The following GALNT13 variants were observed in gnomAD, a reference collection of about 807,000 sequenced individuals.
The protein encoded by GALNT13 is UDP-GalNAc:polypeptide N-acetylgalactosaminyltransferase 13.
GALNT13 carries 28 observed loss-of-function variants against 64.2 expected under a neutral mutation model. The ratio of observed to expected loss-of-function variants is 0.44; its 90% CI spans 0.32 to 0.60. The LOEUF (loss-of-function observed/expected upper bound fraction) is 0.60, where lower values mean the gene tolerates loss of function less well. Ranked by LOEUF, GALNT13 falls within the 20% of genes least tolerant of loss-of-function variation. GALNT13 has a pLI of 0.05. For synonymous variants in GALNT13, 214 were observed against 224.6 expected (o/e 0.95, Z 0.42); for missense variants, 577 against 669.8 (o/e 0.86, Z 1.53).
chr2:153,458,744 G>A, the GALNT13 span, among the ~76,000 whole-genome samples: 1 of 152,112 alleles, frequency 6.6e-6, no homozygotes, highest in Non-Finnish European at 1.5e-5. Context: ...GAATGAATGA[G>A]TGAATTATTT....
At chr2:153,968,141 C>G (rs1693499582) in intron 3 of GALNT13, among the ~76,000 whole-genome samples, 1 of 152,112 alleles carries the variant, frequency 6.6e-6, no homozygotes, top group Admixed American at 6.5e-5. Context: ...CAGCCTAGCA[C>G]CAGAGCTGGA....
the GALNT13 span, among the ~76,000 whole-genome samples, chr2:153,284,172 A>G: frequency 6.6e-6 from 1 of 152,124 alleles, no homozygotes; most frequent in African/African-American, 2.4e-5. Flanking sequence ...CTGCACCACA[A>G]TCTCAGGGGA....
chr2:153,761,180 A>G, the GALNT13 span, among the ~76,000 whole-genome samples: 53,066 of 151,964 alleles, frequency 0.35, 9,755 homozygotes, highest in African/African-American at 0.39. Context: ...TCAAGTCAGT[A>G]ACTCTATGTC....
At chr2:154,198,473 A>G (rs775756964) in intron 4 of GALNT13, among the ~76,000 whole-genome samples, 35 of 151,994 alleles carry the variant, frequency 2.3e-4, no homozygotes, top group Non-Finnish European at 4.4e-4. Flanking sequence ...AGGTACATTC[A>G]TAATGATTGT....
chr2:153,116,545 C>A, the GALNT13 span, among the ~76,000 whole-genome samples: 7 of 152,132 alleles, frequency 4.6e-5, no homozygotes, highest in Admixed American at 4.6e-4. Flanking sequence ...TACTTATATA[C>A]CTTAATCACT....
the GALNT13 span, among the ~76,000 whole-genome samples, chr2:153,341,466 T>G: frequency 1.3e-5 from 2 of 152,224 alleles, no homozygotes; most frequent in Non-Finnish European, 2.9e-5. Flanking sequence ...GAATCTATTA[T>G]AGTCTGTTTG....
chr2:153,899,907 A>C, intron 1 of GALNT13, among the ~76,000 whole-genome samples: 1 of 145,118 alleles, frequency 6.9e-6, no homozygotes. Context: ...TTTTGAAGGG[A>C]GATATATACA....
chr2:153,327,667 A>T, the GALNT13 span, among the ~76,000 whole-genome samples: 1 of 151,722 alleles, frequency 6.6e-6, no homozygotes, highest in Non-Finnish European at 1.5e-5. Context: ...TCTTCTCTAA[A>T]CTGGTTATTC....
chr2:153,807,419 C>T, the GALNT13 span, among the ~76,000 whole-genome samples: 1 of 151,832 alleles, frequency 6.6e-6, no homozygotes, highest in Non-Finnish European at 1.5e-5. Context: ...TTGCCTCATC[C>T]TTTTGAATGG....
the GALNT13 span, among the ~76,000 whole-genome samples, chr2:153,818,559 G>A: frequency 5.9e-5 from 9 of 152,200 alleles, no homozygotes; most frequent in African/African-American, 1.7e-4. Context: ...TGGGGTCCCA[G>A]CATAGTGACT....
the GALNT13 span, among the ~76,000 whole-genome samples, chr2:153,316,408 C>T: frequency 2.6e-5 from 4 of 151,596 alleles, no homozygotes; most frequent in East Asian, 3.9e-4. Context: ...TTTGGGAGGC[C>T]GAGGAGGGTG....
chr2:154,449,381 C>T (rs1204779692), intron 12 of GALNT13, among the ~76,000 whole-genome samples: 1 of 149,432 alleles, frequency 6.7e-6, no homozygotes, highest in African/African-American at 2.5e-5. Flanking sequence ...TATGGCCCAC[C>T]CCTTACATTT....
the GALNT13 span, among the ~76,000 whole-genome samples, chr2:153,402,960 G>C: frequency 6.6e-6 from 1 of 152,062 alleles, no homozygotes; most frequent in Non-Finnish European, 1.5e-5. Flanking sequence ...GCTTTGTTCC[G>C]TTGCTGGTGA....
At chr2:153,398,209 G>T in the GALNT13 span, among the ~76,000 whole-genome samples, 2 of 152,006 alleles carry the variant, frequency 1.3e-5, no homozygotes, top group African/African-American at 4.8e-5. Context: ...TACTGAGAAT[G>T]ATGATTTCCA....
chr2:153,570,265 G>A, the GALNT13 span, among the ~76,000 whole-genome samples: 1 of 151,982 alleles, frequency 6.6e-6, no homozygotes, highest in Non-Finnish European at 1.5e-5. Flanking sequence ...AAATGTTTAT[G>A]CAAATCTTTG....
chr2:153,078,818 T>C, the GALNT13 span, among the ~76,000 whole-genome samples: 1 of 152,118 alleles, frequency 6.6e-6, no homozygotes. Flanking sequence ...AATGAATGGG[T>C]GTTAAAATTT....
At chr2:153,785,716 G>A in the GALNT13 span, among the ~76,000 whole-genome samples, 30 of 152,100 alleles carry the variant, frequency 2.0e-4, no homozygotes, top group African/African-American at 7.2e-4. Context: ...TGGGGAGCTT[G>A]TTGGGTCTCC....
the GALNT13 span, among the ~76,000 whole-genome samples, chr2:153,315,970 C>A: frequency 6.6e-6 from 1 of 151,758 alleles, no homozygotes; most frequent in Non-Finnish European, 1.5e-5. Context: ...AAAAAAGAAT[C>A]CAATTTTTAA....
chr2:154,062,953 A>T (rs1355921655), intron 3 of GALNT13, among the ~76,000 whole-genome samples: 1 of 151,848 alleles, frequency 6.6e-6, no homozygotes, highest in Admixed American at 6.6e-5. Flanking sequence ...CATCGATGTG[A>T]TCTGCTTTTT....
Sources: allele counts gnomAD v4.1 joint callset (sites outside exome capture counted in the v4.1 genomes callset), GRCh38; gene constraint gnomAD v4.1.1; transcripts MANE v1.5; gene names NCBI Gene and HGNC (gene_info 2026-07-23, HGNC 2026-07-21).